STAB2: variants seen among roughly 807,000 people sequenced by gnomAD.
STAB2 encodes the protein stabilin 2, also known as stabilin-2.
A neutral mutation model predicts 338.1 loss-of-function variants in STAB2; 288 were observed. The ratio of observed to expected loss-of-function variants is 0.85; its 90% CI spans 0.77 to 0.94. STAB2 has a LOEUF of 0.94. Among genes scored for constraint, STAB2 ranks in the 40% least tolerant of loss-of-function variants. The pLI is 0.00. For missense variants in STAB2, 3,141 were observed against 3,210.1 expected (o/e 0.98, Z 0.52); for synonymous variants, 1,202 against 1,193.3 (o/e 1.01, Z -0.15).
chr12:103,699,309 C>T (rs1223458503), intron 34 of STAB2, 82 bp downstream of exon 34: 2 of 1,500,666 alleles, frequency 1.3e-6, no homozygotes, highest in Non-Finnish European at 1.8e-6. Context: ...GTCTTGGCTC[C>T]TGTCATCCTT....
At chr12:103,631,551 C>G (rs1338852480) in intron 5 of STAB2, 47 bp from the exon 6 acceptor site, 1 of 1,542,450 alleles carries the variant, frequency 6.5e-7, no homozygotes, top group African/African-American at 1.4e-5. Flanking sequence ...GAATGTTTAG[C>G]AACAGTCTAT....
At chr12:103,624,100 C>T (rs1957344738) in intron 5 of STAB2, among the ~76,000 whole-genome samples, 1 of 152,174 alleles carries the variant, frequency 6.6e-6, no homozygotes, top group Admixed American at 6.6e-5. Context: ...GCAAGAAAAC[C>T]TATGCACACA....
At chr12:103,750,817 CTGG>C in intron 60 of STAB2, 97 bp downstream of exon 60, 4 of 1,442,266 alleles carry the variant, frequency 2.8e-6, no homozygotes, top group Non-Finnish European at 3.7e-6. Flanking sequence ...CAGGCCAAGC[CTGG>C]TGGCTCAAGC....
chr12:103,727,018 A>AT (rs2139062453), intron 46 of STAB2, among the ~76,000 whole-genome samples: 1 of 152,278 alleles, frequency 6.6e-6, no homozygotes, highest in Non-Finnish European at 1.5e-5. Flanking sequence ...GGCAGCTATT[A>AT]TTTTTTTCTT....
chr12:103,617,063 A>G (rs1203021777), intron 3 of STAB2, among the ~76,000 whole-genome samples: 1 of 152,178 alleles, frequency 6.6e-6, no homozygotes, highest in African/African-American at 2.4e-5. Context: ...ATCTGTTGAG[A>G]TCAGATCTAA....
intron 39 of STAB2, among the ~76,000 whole-genome samples, chr12:103,709,853 C>G (rs1879692976): frequency 6.6e-6 from 1 of 152,038 alleles, no homozygotes. Flanking sequence ...CGGTGAATCC[C>G]CAGAATAAAT....
chr12:103,670,469 C>G (rs1319590038), intron 21 of STAB2, among the ~76,000 whole-genome samples: 1 of 152,146 alleles, frequency 6.6e-6, no homozygotes, highest in Non-Finnish European at 1.5e-5. Flanking sequence ...CATTGTGATG[C>G]CCCCTTGAGT....
intron 52 of STAB2, 27 bp from the exon 53 acceptor site, chr12:103,737,607 T>TC (rs1566061920): frequency 4.3e-5 from 7 of 162,446 alleles, no homozygotes; most frequent in Non-Finnish European, 5.5e-5. Flanking sequence ...TCTCTTTCTC[T>TC]TTTTTTTTTT....
In STAB2 at chr12:103,646,079, A is replaced by T. The variant is rs577544296; in HGVS notation, c.1041-2611A>T. On this transcript the variant is annotated intron_variant, in intron 9 of 68. Coordinates refer to ENST00000388887, the MANE Select transcript of STAB2 (RefSeq NM_017564.10). The stretch of plus-strand genomic sequence containing the variant: ...CTCCAGCTACTCAGGAGGCTGAGGC[A>T]GGAGAATCACTTGGATCCAGGAGGC... Among the ~76,000 whole-genome samples, 4 of 152,352 alleles carry T rather than the reference A, an allele frequency of 2.6e-5. No individual in the cohort carries two copies. In the South Asian group the frequency reaches 8.3e-4, roughly 32 times the overall value.
intron 9 of STAB2, among the ~76,000 whole-genome samples, chr12:103,646,811 A>G (rs970605383): frequency 6.6e-6 from 1 of 152,200 alleles, no homozygotes; most frequent in African/African-American, 2.4e-5. Flanking sequence ...ATCTTCTAGG[A>G]CAGTATACCA....
Position 103,632,278 on chromosome 12 carries a change from G to A in STAB2, c.583+585G>A, listed in dbSNP as rs376274953. 2.6e-5 allele frequency among the ~76,000 whole-genome samples: 4 copies of A among 152,242 alleles called. No homozygotes were observed. In the East Asian group the frequency reaches 7.7e-4, roughly 29 times the overall value. On this transcript the variant is annotated intron_variant, in intron 6 of 68. Coordinates refer to ENST00000388887, the MANE Select transcript of STAB2 (RefSeq NM_017564.10). The stretch of plus-strand genomic sequence containing the variant: ...AAGGGAAGTTTAATAGGGATAATTA[G>A]TACGCTATGATAGGAGAGCAGCTGT...
At chr12:103,748,864 C>T in intron 58 of STAB2, 99 bp from the exon 59 acceptor site, 1 of 1,293,100 alleles carries the variant, frequency 7.7e-7, no homozygotes, top group Non-Finnish European at 1.1e-6. Context: ...CCCATTTACT[C>T]ACCCAACACC....
At chr12:103,630,019 G>A (rs555049386) in intron 5 of STAB2, among the ~76,000 whole-genome samples, 1 of 152,220 alleles carries the variant, frequency 6.6e-6, no homozygotes, top group Non-Finnish European at 1.5e-5. Context: ...AGTCAGGTTG[G>A]AGTGGCCATT....
Position 103,753,298 on chromosome 12 carries a change from G to A in STAB2, c.6659G>A (p.Cys2220Tyr). The change falls in exon 61 of 69, where the codon TGT becomes TAT. Residue 2220 changes from cysteine (C) to tyrosine (Y), a missense_variant. By Grantham distance (194) the Cys-to-Tyr change is radical. Coordinates refer to ENST00000388887, the MANE Select transcript of STAB2 (RefSeq NM_017564.10). The part of the protein sequence containing the change: ...KLTFDKAREA[C>Y]ANEAATMATY... ...ACCTTTGACAAAGCCAGAGAGGCCT[G>A]TGCCAACGAAGCTGCGACCATGGCA... The A allele has an allele frequency of 6.2e-7, 1 of 1,614,252 alleles. No homozygotes were observed. Among genetic ancestry groups the A allele is most frequent in the Non-Finnish European group, 8.5e-7 (1 of 1,180,046 alleles).
intron 39 of STAB2, among the ~76,000 whole-genome samples, chr12:103,710,192 T>C (rs1879724332): frequency 6.6e-6 from 1 of 152,190 alleles, no homozygotes; most frequent in Non-Finnish European, 1.5e-5. Flanking sequence ...TTGCTGTGGT[T>C]CTTCATTGCC....
At chr12:103,648,643 C>T (rs767808951) in intron 9 of STAB2, 47 bp from the exon 10 acceptor site, 24 of 1,595,378 alleles carry the variant, frequency 1.5e-5, no homozygotes, top group Non-Finnish European at 2.0e-5. Context: ...GATCAAAATA[C>T]TCAATGGCTC....
chr12:103,666,202 G>C, intron 18 of STAB2, 89 bp from the exon 19 acceptor site: 1 of 1,306,788 alleles, frequency 7.7e-7, no homozygotes, highest in Non-Finnish European at 1.1e-6. Flanking sequence ...TTCCTTCACA[G>C]GGAGGGAAGC....
intron 20 of STAB2, 130 bp from the exon 21 acceptor site, chr12:103,669,411 A>G (rs1875504300): frequency 2.6e-6 from 2 of 776,204 alleles, no homozygotes; most frequent in East Asian, 5.1e-5. Flanking sequence ...TCAACTGCCA[A>G]AGAAAAGGGC....
rs1873520193 is a variant in STAB2, at chr12:103,648,776, C to G, written c.1127C>G (p.Pro376Arg). 3.1e-6 allele frequency: 5 copies of G among 1,613,908 alleles called. No individual in the cohort carries two copies. The highest frequency in any genetic ancestry group is 1.6e-4 in the Middle Eastern group (1 of 6,084). ...CGACTCAGAGAATTAAATACTGAAC[C>G]CAGAGGAAAATGGCAAGGAAGGCTG... ...MERLRELNTE[P>R]RGKWQGRLTS... The change falls in exon 10 of 69, where the codon CCC (proline) becomes CGC (arginine). Residue 376 changes from proline (P) to arginine (R), a missense_variant. By Grantham distance (103) the Pro-to-Arg change is moderately radical. Coordinates refer to ENST00000388887, the MANE Select transcript of STAB2 (RefSeq NM_017564.10).
Sources: allele counts gnomAD v4.1 joint callset (sites outside exome capture counted in the v4.1 genomes callset), GRCh38; gene constraint gnomAD v4.1.1; transcripts MANE v1.5; gene names NCBI Gene and HGNC (gene_info 2026-07-23, HGNC 2026-07-21).